Variants in ZNF608 observed in about 807,000 individuals in gnomAD.
The protein encoded by ZNF608 is zinc finger protein 608.
Under a neutral mutation model 109.0 loss-of-function variants are expected in ZNF608, and 12 were observed. The ratio of observed to expected loss-of-function variants is 0.11; its 90% CI spans 0.07 to 0.18. The LOEUF is 0.18. Among genes scored for constraint, ZNF608 ranks in the 10% least tolerant of loss-of-function variants. The pLI is 1.00. For synonymous variants in ZNF608, 732 were observed against 717.4 expected (o/e 1.02, Z -0.33); for missense variants, 1,707 against 1,879.3 (o/e 0.91, Z 1.70).
intron 3 of ZNF608, among the ~76,000 whole-genome samples, chr5:124,675,616 T>C (rs1436844140): frequency 6.6e-6 from 1 of 152,218 alleles, no homozygotes; most frequent in Non-Finnish European, 1.5e-5. Context: ...CCTAAAGAGT[T>C]TAATGACTTG....
intron 2 of ZNF608, among the ~76,000 whole-genome samples, chr5:124,712,846 G>A (rs375204301): frequency 6.6e-6 from 1 of 152,090 alleles, no homozygotes; most frequent in East Asian, 1.9e-4. Context: ...TTTCAATTTA[G>A]GTGAAAAAAT....
At position 124,647,984 on chromosome 5, in the gene ZNF608, G is replaced by C; in HGVS notation, c.2400C>G (p.Thr800=). 3.7e-6 allele frequency: 6 copies of C among 1,614,196 alleles called. No homozygotes were observed. The highest frequency in any genetic ancestry group is 5.1e-6 in the Non-Finnish European group (6 of 1,180,038). Residue 800 remains threonine, a synonymous_variant, in exon 5 of 10, where the codon ACC becomes ACG. Transcript: ENST00000513986. Reference sequence around the variant, plus strand: ...TGAGTGACACCAGAGCTGGGTTCACGGTGATGGGCTCTCCCATAATTGTGG... The same window carrying C: ...TGAGTGACACCAGAGCTGGGTTCACCGTGATGGGCTCTCCCATAATTGTGG... ...PKPTIMGEPI[T]VNPALVSLKD...
intron 3 of ZNF608, among the ~76,000 whole-genome samples, chr5:124,671,519 A>G (rs972931383): frequency 6.6e-6 from 1 of 152,218 alleles, no homozygotes; most frequent in African/African-American, 2.4e-5. Context: ...GTCTACCCAC[A>G]CAATACCTCA....
At chr5:124,707,552 G>A (rs1169145493) in intron 2 of ZNF608, among the ~76,000 whole-genome samples, 1 of 152,156 alleles carries the variant, frequency 6.6e-6, no homozygotes. Flanking sequence ...GCTGGGGCAC[G>A]ATTACTTAAT....
Position 124,746,379 on chromosome 5 carries a change from T to C in ZNF608, c.-368A>G, listed in dbSNP as rs1213082264. ...ATTATTCCACCTCCCCACCCCCCTT[T>C]TGGCAAACGAATCAGTCCTTTTCTC... On this transcript the variant is annotated 5_prime_UTR_variant, in exon 1 of 10. Coordinates refer to ENST00000513986, the MANE Select transcript of ZNF608 (RefSeq NM_020747.3). 2.0e-6 allele frequency: 2 copies of C among 985,222 alleles called. No homozygotes were observed. The highest frequency in any genetic ancestry group is 6.2e-5 in the Admixed American group (1 of 16,246). The allele number at this position is 985,222 out of a possible 1,614,324, so 61.0% of individuals were successfully genotyped here.
At position 124,647,896 on chromosome 5, in the gene ZNF608, G is replaced by A; in HGVS notation, c.2488C>T (p.Pro830Ser). Residue 830 changes from proline (P) to serine (S), a missense_variant, in exon 5 of 10, where the codon CCA (proline) becomes TCA (serine). Pro to Ser is a moderately conservative substitution (Grantham distance 74). Coordinates refer to ENST00000513986, the MANE Select transcript of ZNF608 (RefSeq NM_020747.3). ...TTCCCCAGCTTGGCATCCATTTTTG[G>A]GCTTCCCGTCTCTTTCCCTTCTTTG... Reference protein sequence around the residue: ...KDKEGKETGSPKMDAKLGKLE... With the variant: ...KDKEGKETGSSKMDAKLGKLE... The A allele has an allele frequency of 6.2e-7, 1 of 1,614,100 alleles. No individual in the cohort carries two copies. The highest frequency in any genetic ancestry group is 8.5e-7 in the Non-Finnish European group (1 of 1,180,010).
At chr5:124,687,059 C>T (rs1020055214) in intron 3 of ZNF608, among the ~76,000 whole-genome samples, 7 of 152,158 alleles carry the variant, frequency 4.6e-5, no homozygotes, top group African/African-American at 1.7e-4. Context: ...AAACCTCAAA[C>T]GGACAAGCAA....
chr5:124,696,345 T>A (rs1290397626), intron 3 of ZNF608, among the ~76,000 whole-genome samples: 1 of 152,182 alleles, frequency 6.6e-6, no homozygotes, highest in Non-Finnish European at 1.5e-5. Context: ...TCACACCAGG[T>A]GCTGAGTCTT....
chr5:124,661,244 T>C (rs1347866121), intron 3 of ZNF608, among the ~76,000 whole-genome samples: 1 of 152,196 alleles, frequency 6.6e-6, no homozygotes, highest in African/African-American at 2.4e-5. Flanking sequence ...CAGGAACAGC[T>C]AACTGAATGC....
At chr5:124,693,461 A>C (rs1166176308) in intron 3 of ZNF608, among the ~76,000 whole-genome samples, 2 of 152,238 alleles carry the variant, frequency 1.3e-5, no homozygotes, top group African/African-American at 2.4e-5. Flanking sequence ...AAAAAGTTTT[A>C]AAGTTTTCCA....
chr5:124,696,784 C>T (rs1482350729), intron 3 of ZNF608, among the ~76,000 whole-genome samples: 1 of 152,090 alleles, frequency 6.6e-6, no homozygotes. Flanking sequence ...CCATTTTATA[C>T]CTGGGAAAGT....
chr5:124,674,963 A>G (rs1751878041), intron 3 of ZNF608, among the ~76,000 whole-genome samples: 1 of 152,196 alleles, frequency 6.6e-6, no homozygotes, highest in Non-Finnish European at 1.5e-5. Flanking sequence ...GGCCTAATCG[A>G]TTCTAAGGTT....
chr5:124,654,806 G>A (rs567175883), intron 3 of ZNF608, among the ~76,000 whole-genome samples: 45 of 152,276 alleles, frequency 3.0e-4, no homozygotes, highest in African/African-American at 5.8e-4. Flanking sequence ...TTGTGATCTC[G>A]AAGTCCTCAG....
At position 124,745,067 on chromosome 5, in the gene ZNF608, G is replaced by A. The variant is rs1749588822; in HGVS notation, c.-78C>T. On this transcript the variant is annotated 5_prime_UTR_variant, in exon 2 of 10. Transcript: ENST00000513986. ...GAGGGGACATTCGTTTATCTCCGCTGGGCTTTCTCTCAAAGAAAAAAAAAA... is the reference window on the plus strand; with the variant it reads ...GAGGGGACATTCGTTTATCTCCGCTAGGCTTTCTCTCAAAGAAAAAAAAAA... 6.6e-7 allele frequency: 1 copy of A among 1,508,624 alleles called. No individual in the cohort carries two copies. The highest frequency in any genetic ancestry group is 2.3e-5 in the Admixed American group (1 of 43,458). 93.5% of individuals were successfully genotyped at this position (1,508,624 alleles called of 1,614,324 possible). A position where few individuals can be genotyped will look rare whatever the true frequency, so the allele number is the denominator to read the frequency against.
intron 2 of ZNF608, among the ~76,000 whole-genome samples, chr5:124,738,654 T>G (rs1455750061): frequency 2.6e-5 from 4 of 152,164 alleles, no homozygotes; most frequent in African/African-American, 9.7e-5. Flanking sequence ...CAAGTCAGGT[T>G]TCATCACATT....
intron 9 of ZNF608, 191 bp downstream of exon 9, chr5:124,638,942 C>T: frequency 7.5e-6 from 6 of 800,334 alleles, no homozygotes; most frequent in Non-Finnish European, 1.2e-5. Context: ...ATCTATGTAA[C>T]CCTTACAGAA....
intron 2 of ZNF608, among the ~76,000 whole-genome samples, chr5:124,740,977 A>T (rs1457700927): frequency 1.3e-5 from 2 of 152,234 alleles, no homozygotes; most frequent in Non-Finnish European, 2.9e-5. Flanking sequence ...CATAAAGAAG[A>T]GCTTCAATAC....
chr5:124,738,199 C>T (rs1434572974), intron 2 of ZNF608, among the ~76,000 whole-genome samples: 1 of 152,166 alleles, frequency 6.6e-6, no homozygotes, highest in Non-Finnish European at 1.5e-5. Context: ...GGGAGCTCAC[C>T]TGTTCTCCAT....
chr5:124,734,064 A>G (rs1749033098), intron 2 of ZNF608, among the ~76,000 whole-genome samples: 1 of 152,200 alleles, frequency 6.6e-6, no homozygotes, highest in East Asian at 1.9e-4. Context: ...GTTCTTACTC[A>G]GAAACTAATA....
Sources: gnomAD v4.1 joint callset for allele counts (sites outside exome capture counted in the v4.1 genomes callset) on GRCh38, gnomAD v4.1.1 for gene constraint, MANE v1.5 for transcripts, NCBI Gene and HGNC (gene_info 2026-07-23, HGNC 2026-07-21) for gene names.